The following CNTNAP2 variants were observed in gnomAD, a reference collection of about 807,000 sequenced individuals.
The protein encoded by CNTNAP2 is contactin associated protein 2, also known as contactin-associated protein-like 2.
Under a neutral mutation model 155.2 loss-of-function variants are expected in CNTNAP2, and 98 were observed. The ratio of observed to expected loss-of-function variants is 0.63; its 90% CI spans 0.54 to 0.75. The LOEUF is 0.75. Ranked by LOEUF, CNTNAP2 falls within the 30% of genes least tolerant of loss-of-function variation. The pLI, the probability that CNTNAP2 is intolerant of heterozygous loss-of-function variation, is 0.00. For missense variants in CNTNAP2, 1,727 were observed against 1,688.1 expected, an observed-to-expected ratio of 1.02 and a Z score of -0.40; for synonymous variants, 651 against 631.2, an observed-to-expected ratio of 1.03 and a Z score of -0.47.
At chr7:147,368,906 T>G (rs1052290431) in intron 9 of CNTNAP2, among the ~76,000 whole-genome samples, 1 of 152,182 alleles carries the variant, frequency 6.6e-6, no homozygotes, top group African/African-American at 2.4e-5. Flanking sequence ...TTCCTTTCCT[T>G]GGGGACCCAC....
chr7:146,619,459 T>C (rs1163958994), intron 1 of CNTNAP2, among the ~76,000 whole-genome samples: 2 of 152,204 alleles, frequency 1.3e-5, no homozygotes, highest in Non-Finnish European at 2.9e-5. Flanking sequence ...CCTTTAACTT[T>C]GTTGAATTTA....
chr7:147,316,317 A>T (rs1278928637), intron 9 of CNTNAP2, among the ~76,000 whole-genome samples: 1 of 152,156 alleles, frequency 6.6e-6, no homozygotes, highest in Non-Finnish European at 1.5e-5. Flanking sequence ...TTGCACTCTG[A>T]TAATAAAAAC....
At chr7:147,124,532 G>A (rs1037642808) in intron 6 of CNTNAP2, among the ~76,000 whole-genome samples, 14 of 152,128 alleles carry the variant, frequency 9.2e-5, no homozygotes, top group Admixed American at 8.5e-4. Context: ...GCAAAGAGGT[G>A]CCTAATAGCA....
intron 1 of CNTNAP2, among the ~76,000 whole-genome samples, chr7:146,201,084 T>C (rs1345622898): frequency 6.6e-6 from 1 of 152,188 alleles, no homozygotes; most frequent in Non-Finnish European, 1.5e-5. Flanking sequence ...AAATGAGATT[T>C]TCCATATTTT....
intron 20 of CNTNAP2, among the ~76,000 whole-genome samples, chr7:148,253,764 G>A (rs1026829888): frequency 3.3e-5 from 5 of 152,164 alleles, no homozygotes; most frequent in African/African-American, 9.7e-5. Context: ...AACTTCAGGG[G>A]CACACACAGC....
chr7:146,877,641 A>T (rs1372121528), intron 3 of CNTNAP2, among the ~76,000 whole-genome samples: 1 of 151,738 alleles, frequency 6.6e-6, no homozygotes, highest in East Asian at 1.9e-4. Context: ...GTATGTGTGT[A>T]TATATGTGTA....
chr7:148,045,679 A>C (rs781393085), intron 15 of CNTNAP2, among the ~76,000 whole-genome samples: 1 of 152,226 alleles, frequency 6.6e-6, no homozygotes, highest in Non-Finnish European at 1.5e-5. Flanking sequence ...CTTCCAGTGA[A>C]TATTTACTGA....
At chr7:147,223,052 A>G (rs957358881) in intron 8 of CNTNAP2, among the ~76,000 whole-genome samples, 2 of 152,134 alleles carry the variant, frequency 1.3e-5, no homozygotes, top group African/African-American at 4.8e-5. Context: ...TTTTTCTCCA[A>G]TATTTGCTGT....
intron 9 of CNTNAP2, among the ~76,000 whole-genome samples, chr7:147,370,210 T>A (rs1302673110): frequency 1.3e-5 from 2 of 152,222 alleles, no homozygotes; most frequent in Non-Finnish European, 1.5e-5. Context: ...TATATTTGTG[T>A]GTACTTAAAT....
intron 3 of CNTNAP2, among the ~76,000 whole-genome samples, chr7:146,989,436 C>A (rs1035510665): frequency 2.0e-5 from 3 of 151,864 alleles, no homozygotes; most frequent in Non-Finnish European, 4.4e-5. Flanking sequence ...TTTTTCTCAG[C>A]CAAAGAAATT....
Position 147,321,285 on chromosome 7 carries a change from G to A in CNTNAP2, c.1498+20995G>A, listed in dbSNP as rs546591225. 2.6e-5 allele frequency among the ~76,000 whole-genome samples: 4 copies of A among 152,204 alleles called. No individual in the cohort carries two copies. The South Asian group carries it at 6.2e-4, about 24-fold the overall frequency. ...TCAATCTGATCACTGCAACAGTGCTGTGCCCCAGTGTCTGGTAGATAACCC... is the reference window on the plus strand; with the variant it reads ...TCAATCTGATCACTGCAACAGTGCTATGCCCCAGTGTCTGGTAGATAACCC... On this transcript the variant is annotated intron_variant, in intron 9 of 23. Transcript: ENST00000361727.
intron 1 of CNTNAP2, among the ~76,000 whole-genome samples, chr7:146,277,491 A>T (rs969374102): frequency 6.6e-6 from 1 of 152,194 alleles, no homozygotes. Flanking sequence ...TAAAAGACAC[A>T]TAGAATTGGA....
At chr7:147,336,234 A>G (rs1342759543) in intron 9 of CNTNAP2, among the ~76,000 whole-genome samples, 2 of 152,000 alleles carry the variant, frequency 1.3e-5, no homozygotes, top group African/African-American at 4.8e-5. Context: ...TACAATCAAG[A>G]ACCTGAGAGG....
chr7:147,332,843 C>T (rs1302265802), intron 9 of CNTNAP2, among the ~76,000 whole-genome samples: 1 of 152,138 alleles, frequency 6.6e-6, no homozygotes, highest in East Asian at 1.9e-4. Context: ...TCCTGGATGA[C>T]AGAATGAGAC....
At chr7:146,563,421 T>A (rs796698739) in intron 1 of CNTNAP2, among the ~76,000 whole-genome samples, 1 of 152,128 alleles carries the variant, frequency 6.6e-6, no homozygotes, top group Non-Finnish European at 1.5e-5. Context: ...ACTTATGGTA[T>A]TATTAATACT....
chr7:147,754,289 A>G (rs1268015114), intron 13 of CNTNAP2, among the ~76,000 whole-genome samples: 1 of 152,214 alleles, frequency 6.6e-6, no homozygotes, highest in Non-Finnish European at 1.5e-5. Flanking sequence ...TAAGGCACCA[A>G]TTCATCATCA....
chr7:147,867,772 T>G (rs759835062), intron 13 of CNTNAP2, among the ~76,000 whole-genome samples: 2 of 152,146 alleles, frequency 1.3e-5, no homozygotes, highest in African/African-American at 2.4e-5. Context: ...CATCACAAAG[T>G]TCGCGTGCCA....
At chr7:147,557,664 G>A (rs59918973) in intron 11 of CNTNAP2, among the ~76,000 whole-genome samples, 2 of 152,102 alleles carry the variant, frequency 1.3e-5, no homozygotes, top group Non-Finnish European at 2.9e-5. Flanking sequence ...AACTGGCTGA[G>A]GCATGCAGGG....
At chr7:147,020,987 C>G (rs954132335) in intron 3 of CNTNAP2, among the ~76,000 whole-genome samples, 6 of 151,974 alleles carry the variant, frequency 3.9e-5, no homozygotes, top group African/African-American at 1.4e-4. Flanking sequence ...ATGAGGCAAC[C>G]CAGTACCCGA....
Sources: allele counts gnomAD v4.1 joint callset (sites outside exome capture counted in the v4.1 genomes callset), GRCh38; gene constraint gnomAD v4.1.1; transcripts MANE v1.5; gene names NCBI Gene and HGNC (gene_info 2026-07-23, HGNC 2026-07-21).